Variants in SLIT3 observed in about 807,000 individuals in gnomAD.
SLIT3 encodes slit guidance ligand 3, also known as slit homolog 3 protein.
SLIT3 carries 68 observed loss-of-function variants against 184.0 expected under a neutral mutation model. The observed-to-expected ratio is 0.37, with a 90% CI of 0.30 to 0.45. SLIT3 has a LOEUF of 0.45. SLIT3 is among the 20% of genes least tolerant of loss of function. The probability of loss-of-function intolerance (pLI) is 1.00; values close to 1 mark genes in which losing one functional copy is unlikely to be tolerated. For missense variants in SLIT3, 1,707 were observed against 2,026.0 expected (o/e 0.84, Z 3.02); for synonymous variants, 831 against 828.6 (o/e 1.00, Z -0.05).
intron 3 of SLIT3, among the ~76,000 whole-genome samples, chr5:169,230,041 A>T (rs149305415): frequency 6.6e-6 from 1 of 152,218 alleles, no homozygotes; most frequent in Non-Finnish European, 1.5e-5. Flanking sequence ...CATTTCATGG[A>T]GTGTAATTTC....
At chr5:168,713,948 C>T (rs1479531076) in intron 23 of SLIT3, among the ~76,000 whole-genome samples, 1 of 152,192 alleles carries the variant, frequency 6.6e-6, no homozygotes, top group Admixed American at 6.5e-5. Flanking sequence ...TTTCTCTCCT[C>T]TTCCCATATA....
intron 2 of SLIT3, among the ~76,000 whole-genome samples, chr5:169,249,635 A>G (rs901017069): frequency 6.6e-6 from 1 of 152,236 alleles, no homozygotes; most frequent in Non-Finnish European, 1.5e-5. Context: ...ACAAGCATCT[A>G]TTTTTTAACC....
At chr5:168,673,739 T>C (rs1761325297) in intron 32 of SLIT3, among the ~76,000 whole-genome samples, 1 of 152,242 alleles carries the variant, frequency 6.6e-6, no homozygotes, top group Admixed American at 6.5e-5. Flanking sequence ...GTCTATTATC[T>C]GTATTCCAGT....
At chr5:169,179,542 A>G (rs1206126904) in intron 4 of SLIT3, among the ~76,000 whole-genome samples, 1 of 152,174 alleles carries the variant, frequency 6.6e-6, no homozygotes, top group East Asian at 1.9e-4. Context: ...AGTCTCAAGC[A>G]CTGGCTCACA....
At chr5:168,711,080 C>A in intron 24 of SLIT3, 22 bp from the exon 25 acceptor site, 1 of 1,543,312 alleles carries the variant, frequency 6.5e-7, no homozygotes, top group Non-Finnish European at 8.8e-7. Context: ...AACAGGAAGT[C>A]AGGGCCCCCT....
In SLIT3 at chr5:168,724,504, A is replaced by G. The variant is rs779029470; in HGVS notation, c.2271-20T>C. 3 of 1,602,958 alleles carry G rather than the reference A, an allele frequency of 1.9e-6. No individual in the cohort carries two copies. The highest frequency in any genetic ancestry group is 4.5e-5 in the East Asian group (2 of 44,802). On this transcript the variant is annotated intron_variant, in intron 20 of 35. Transcript: ENST00000519560. ...AGGTACCTGAAAGAGGTGTGGAGAGACAACACCTGAGAAAGAGACACTGTA... is the reference window on the plus strand; with the variant it reads ...AGGTACCTGAAAGAGGTGTGGAGAGGCAACACCTGAGAAAGAGACACTGTA...
chr5:169,037,139 T>C (rs1757283453), intron 4 of SLIT3, among the ~76,000 whole-genome samples: 1 of 152,114 alleles, frequency 6.6e-6, no homozygotes, highest in Admixed American at 6.5e-5. Flanking sequence ...TTCGTGCCTC[T>C]AAGGCATTGC....
At chr5:168,758,583 C>T (rs553058544) in intron 16 of SLIT3, among the ~76,000 whole-genome samples, 7 of 152,334 alleles carry the variant, frequency 4.6e-5, no homozygotes, top group Admixed American at 3.9e-4. Flanking sequence ...AGCCATGATC[C>T]TCACCCAAGT....
chr5:168,720,431 ATT>A (rs1762906007), intron 23 of SLIT3: 1 of 152,186 alleles, frequency 6.6e-6, no homozygotes, highest in African/African-American at 2.4e-5. Flanking sequence ...CCTCTTACAT[ATT>A]GAGTTGCCCC....
chr5:168,772,416 G>A lies in SLIT3; in HGVS notation c.1459+365C>T, dbSNP rs570132979. 42 of 266,188 alleles carry A rather than the reference G, an allele frequency of 1.6e-4. 1 individual carries two copies. Among genetic ancestry groups the A allele is most frequent in the Middle Eastern group, 1.3e-3 (1 of 748 alleles). The allele number at this position is 266,188 out of a possible 1,614,324, so 16.5% of individuals were successfully genotyped here. A position where few individuals can be genotyped will look rare whatever the true frequency, so the allele number is the denominator to read the frequency against. ...TGTATTTCTCTACTTGCCCTTTGGG[G>A]AGCACACTTTGGAAACGAAAAATAT... is the stretch of plus-strand genomic sequence containing the variant. On this transcript the variant is annotated intron_variant, in intron 14 of 35. Coordinates refer to ENST00000519560, the MANE Select transcript of SLIT3 (RefSeq NM_003062.4).
At chr5:168,739,244 A>C (rs1278876670) in intron 20 of SLIT3, among the ~76,000 whole-genome samples, 2 of 152,158 alleles carry the variant, frequency 1.3e-5, no homozygotes, top group Non-Finnish European at 2.9e-5. Flanking sequence ...TCAAAGCGTA[A>C]GACAGATCGG....
chr5:169,271,030 G>T (rs143852787), intron 1 of SLIT3, among the ~76,000 whole-genome samples: 2 of 152,254 alleles, frequency 1.3e-5, no homozygotes, highest in Middle Eastern at 3.4e-3. Flanking sequence ...CACAACTCCA[G>T]GGGGCATCGT....
At chr5:168,738,373 A>G (rs1489994355) in intron 20 of SLIT3, among the ~76,000 whole-genome samples, 2 of 152,066 alleles carry the variant, frequency 1.3e-5, no homozygotes, top group Non-Finnish European at 2.9e-5. Flanking sequence ...TGAAGTACCA[A>G]GAATTATTGT....
intron 4 of SLIT3, among the ~76,000 whole-genome samples, chr5:169,093,232 G>T (rs2113208706): frequency 6.6e-6 from 1 of 152,166 alleles, no homozygotes; most frequent in Middle Eastern, 3.4e-3. Flanking sequence ...TCATTCTTAG[G>T]TGGGTTCTAG....
intron 4 of SLIT3, among the ~76,000 whole-genome samples, chr5:169,004,698 G>C (rs979611292): frequency 6.6e-6 from 1 of 152,220 alleles, no homozygotes; most frequent in Admixed American, 6.5e-5. Context: ...ATGGTATTTG[G>C]AGGTGGAGCC....
At chr5:168,803,044 ACT>A (rs1271683296) in intron 9 of SLIT3, among the ~76,000 whole-genome samples, 2 of 152,128 alleles carry the variant, frequency 1.3e-5, no homozygotes, top group Non-Finnish European at 1.5e-5. Context: ...TTCTGGAAAC[ACT>A]CTAGCTAGGA....
intron 4 of SLIT3, among the ~76,000 whole-genome samples, chr5:168,942,167 C>T (rs906765276): frequency 6.6e-6 from 1 of 152,120 alleles, no homozygotes; most frequent in Non-Finnish European, 1.5e-5. Flanking sequence ...TGAGAATAAG[C>T]TCCAGAACCT....
chr5:169,059,363 C>T (rs1758107190), intron 4 of SLIT3, among the ~76,000 whole-genome samples: 1 of 152,186 alleles, frequency 6.6e-6, no homozygotes, highest in African/African-American at 2.4e-5. Context: ...CTTTAAGCAC[C>T]AGGCACTGTC....
intron 11 of SLIT3, among the ~76,000 whole-genome samples, chr5:168,786,365 G>A (rs1181106646): frequency 1.3e-5 from 2 of 152,182 alleles, no homozygotes; most frequent in Non-Finnish European, 2.9e-5. Flanking sequence ...ATCAGCTTGA[G>A]CCCAGCCTAC....
Sources: allele counts gnomAD v4.1 joint callset (sites outside exome capture counted in the v4.1 genomes callset), GRCh38; gene constraint gnomAD v4.1.1; transcripts MANE v1.5; gene names NCBI Gene and HGNC (gene_info 2026-07-23, HGNC 2026-07-21).